Variants in TMPRSS9 observed in about 807,000 individuals in gnomAD.
TMPRSS9 encodes the protein transmembrane serine protease 9, also known as transmembrane protease serine 9.
Under a neutral mutation model 111.4 loss-of-function variants are expected in TMPRSS9, and 113 were observed. The ratio of observed to expected loss-of-function variants is 1.01; its 90% CI spans 0.87 to 1.19. TMPRSS9 has a LOEUF of 1.19. TMPRSS9 is among the 50% of genes most tolerant of loss of function. The pLI, the probability that TMPRSS9 is intolerant of heterozygous loss-of-function variation, is 0.00. For missense variants in TMPRSS9, 1,803 were observed against 1,513.1 expected (o/e 1.19, Z -3.18); for synonymous variants, 805 against 659.1 (o/e 1.22, Z -3.39).
chr19:2,399,072 C>G, exon 4 of TMPRSS9: 1 of 1,613,634 alleles, frequency 6.2e-7, no homozygotes, highest in South Asian at 1.1e-5. Context: ...TGCTGCGACC[C>G]CTCCAGACGC....
At chr19:2,380,666 C>T (rs1454867854) in intron 1 of TMPRSS9, among the ~76,000 whole-genome samples, 1 of 151,554 alleles carries the variant, frequency 6.6e-6, no homozygotes, top group African/African-American at 2.4e-5. Context: ...GCCCAGCTAA[C>T]ACCTGGATTG....
intron 15 of TMPRSS9, 109 bp downstream of exon 16, chr19:2,424,366 C>T (rs1971545522): frequency 8.5e-7 from 1 of 1,181,480 alleles, no homozygotes; most frequent in South Asian, 3.4e-5. Flanking sequence ...GAGTGCCCTC[C>T]CCAACCCCGG....
At chr19:2,405,506 A>T in exon 7 of TMPRSS9, 1 of 1,600,588 alleles carries the variant, frequency 6.2e-7, no homozygotes, top group Admixed American at 1.8e-5. Flanking sequence ...GCCATCATCA[A>T]CGCCAGGTGG....
At chr19:2,362,385 C>T (rs552391307) in intron 1 of TMPRSS9, among the ~76,000 whole-genome samples, 21 of 143,246 alleles carry the variant, frequency 1.5e-4, no homozygotes, top group Non-Finnish European at 2.9e-4. Context: ...TGTCATTGTG[C>T]CTGTGATTGT....
chr19:2,370,853 T>G (rs115857980), intron 1 of TMPRSS9, among the ~76,000 whole-genome samples: 4,376 of 152,102 alleles, frequency 0.029, 220 homozygotes, highest in African/African-American at 0.1. Context: ...TCCCATCTAC[T>G]CGGGAGGCTG....
chr19:2,387,504 A>AGAAAG (rs1274371738), upstream of TMPRSS9, among the ~76,000 whole-genome samples: 10 of 151,132 alleles, frequency 6.6e-5, no homozygotes, highest in South Asian at 2.1e-4. Context: ...TCAATAGAAA[A>AGAAAG]GAAAGGAAAG....
Position 2,363,680 on chromosome 19 carries a change from C to T in TMPRSS9, c.-26+3320C>T, listed in dbSNP as rs961964044. Among the ~76,000 whole-genome samples the T allele has an allele frequency of 3.3e-5, 5 of 151,558 alleles. No individual in the cohort carries two copies. In the South Asian group the frequency reaches 1.0e-3, roughly 32 times the overall value. ...AGCTCCCGGCCCTGCGCCCCTCGGT[C>T]CCCCAGGCTCACCTGGCTTAGCTGG... On this transcript the variant is annotated intron_variant, in intron 1 of 17. Transcript: ENST00000649857.
chr19:2,390,333 C>T (rs980739317), intron 1 of TMPRSS9, among the ~76,000 whole-genome samples: 1 of 147,542 alleles, frequency 6.8e-6, no homozygotes, highest in African/African-American at 2.5e-5. Context: ...AGCTCCACCT[C>T]CCGGGTTCAC....
At chr19:2,423,306 T>C (rs1026794686) in intron 14 of TMPRSS9, among the ~76,000 whole-genome samples, 3 of 151,432 alleles carry the variant, frequency 2.0e-5, no homozygotes, top group African/African-American at 7.3e-5. Context: ...TGTGTGGAGG[T>C]AGCTGGTGTT....
At chr19:2,385,257 G>T (rs1254139503), upstream of TMPRSS9, among the ~76,000 whole-genome samples, 1 of 151,058 alleles carries the variant, frequency 6.6e-6, no homozygotes, top group Non-Finnish European at 1.5e-5. Flanking sequence ...CCCAGGAGGA[G>T]GGATCCCAGT....
exon 16 of TMPRSS9, chr19:2,425,234 G>C (rs1022703209): frequency 2.1e-6 from 3 of 1,426,492 alleles, no homozygotes; most frequent in South Asian, 1.4e-5. Flanking sequence ...CACGCGCTGC[G>C]TCATCACCGG....
chr19:2,401,824 T>A (rs1056185239), intron 4 of TMPRSS9, 151 bp from the exon 6 acceptor site: 2 of 391,444 alleles, frequency 5.1e-6, no homozygotes, highest in African/African-American at 2.2e-5. Flanking sequence ...GCCAGGCTGG[T>A]CTGTAACTCC....
At chr19:2,410,503 C>A in intron 9 of TMPRSS9, 109 bp downstream of exon 10, 1 of 1,405,118 alleles carries the variant, frequency 7.1e-7, no homozygotes, top group Non-Finnish European at 9.5e-7. Context: ...GCCCCCAACG[C>A]CCCAGACCCC....
intron 1 of TMPRSS9, among the ~76,000 whole-genome samples, chr19:2,382,630 G>A (rs1000583873): frequency 1.4e-5 from 2 of 147,642 alleles, no homozygotes; most frequent in African/African-American, 2.5e-5. Flanking sequence ...AAATGCACAC[G>A]TACACACAGA....
In TMPRSS9 at chr19:2,397,537, G is replaced by T. The variant is rs114353725; in HGVS notation, c.270+871G>T. Among the ~76,000 whole-genome samples the T allele has an allele frequency of 9.9e-3, 1,514 of 152,196 alleles. 23 individuals are homozygous for T. Among genetic ancestry groups the T allele is most frequent in the African/African-American group, 0.034 (1,425 of 41,534 alleles). On this transcript the variant is annotated intron_variant, in intron 2 of 17. Coordinates refer to ENST00000648592, the Ensembl canonical transcript of TMPRSS9. ...GCCAGGCTTGGACACAGGACACAGC[G>T]AATTATATTTTAATGAAAAAATAAT...
At chr19:2,405,389 C>A in exon 7 of TMPRSS9, 1 of 1,601,694 alleles carries the variant, frequency 6.2e-7, no homozygotes, top group Non-Finnish European at 8.5e-7. Context: ...GGCTTGCAGC[C>A]TGCCTGGAGG....
Position 2,408,639 on chromosome 19 carries a change from C to A in TMPRSS9, c.1117+9C>A, listed in dbSNP as rs374738977. On this transcript the variant is annotated intron_variant, in intron 8 of 17. Coordinates refer to ENST00000648592, the Ensembl canonical transcript of TMPRSS9. ...CCTCAAGGAGGACTTCCGTAAGCATCTTCCTCGGCCTGCAAGTGAGCTCAG... is the reference window on the plus strand; with the variant it reads ...CCTCAAGGAGGACTTCCGTAAGCATATTCCTCGGCCTGCAAGTGAGCTCAG... The A allele has an allele frequency of 2.5e-5, 40 of 1,604,156 alleles. 1 individual carries two copies. In the African/African-American group the frequency reaches 4.5e-4, roughly 18 times the overall value.
intron 9 of TMPRSS9, among the ~76,000 whole-genome samples, chr19:2,411,580 T>G (rs1034809794): frequency 6.6e-6 from 1 of 151,644 alleles, no homozygotes; most frequent in Non-Finnish European, 1.5e-5. Flanking sequence ...GTATTTTTAA[T>G]TAAGACACTG....
intron 1 of TMPRSS9, among the ~76,000 whole-genome samples, chr19:2,367,202 G>A (rs1599273642): frequency 7.0e-6 from 1 of 142,836 alleles, no homozygotes; most frequent in Non-Finnish European, 1.5e-5. Flanking sequence ...TCTGCTAGGT[G>A]AGGATAGCAA....
Sources: gnomAD v4.1 joint callset for allele counts (sites outside exome capture counted in the v4.1 genomes callset) on GRCh38, gnomAD v4.1.1 for gene constraint, MANE v1.5 for transcripts, NCBI Gene and HGNC (gene_info 2026-07-23, HGNC 2026-07-21) for gene names.